QTMAN: variants seen among roughly 807,000 people sequenced by gnomAD.
QTMAN encodes the protein tRNA-queuosine alpha-mannosyltransferase.
At chr2:144,238,456 G>A in the QTMAN span, among the ~76,000 whole-genome samples, 1 of 152,064 alleles carries the variant, frequency 6.6e-6, no homozygotes, top group African/African-American at 2.4e-5. Context: ...TGGCACTTCT[G>A]CAAATTAAGT....
the QTMAN span, among the ~76,000 whole-genome samples, chr2:144,215,075 T>C: frequency 6.6e-6 from 1 of 151,908 alleles, no homozygotes; most frequent in Non-Finnish European, 1.5e-5. Context: ...GCTCCATCTC[T>C]ACAAAAAATT....
the QTMAN span, among the ~76,000 whole-genome samples, chr2:143,996,889 GTCAA>G: frequency 6.6e-6 from 1 of 152,076 alleles, no homozygotes; most frequent in East Asian, 1.9e-4. Flanking sequence ...AGTCTCTGGG[GTCAA>G]TCAATTAATT....
At chr2:144,099,245 G>A in the QTMAN span, among the ~76,000 whole-genome samples, 3 of 152,162 alleles carry the variant, frequency 2.0e-5, no homozygotes, top group African/African-American at 7.2e-5. Context: ...TAAAATAAAT[G>A]ACTCAGTAGT....
the QTMAN span, among the ~76,000 whole-genome samples, chr2:144,091,096 C>T: frequency 4.6e-5 from 7 of 151,700 alleles, no homozygotes; most frequent in Admixed American, 1.3e-4. Flanking sequence ...TAAGTAGAGG[C>T]GACTAGCCTG....
chr2:144,075,786 C>G, the QTMAN span, among the ~76,000 whole-genome samples: 3 of 152,176 alleles, frequency 2.0e-5, no homozygotes. Context: ...TCGGCAAGAG[C>G]TCATCTTTTC....
At chr2:144,115,130 C>T in the QTMAN span, among the ~76,000 whole-genome samples, 1 of 152,030 alleles carries the variant, frequency 6.6e-6, no homozygotes, top group African/African-American at 2.4e-5. Flanking sequence ...ACTCTGGAGG[C>T]TGAGGCACAA....
At chr2:144,140,879 T>G in the QTMAN span, among the ~76,000 whole-genome samples, 27 of 152,024 alleles carry the variant, frequency 1.8e-4, no homozygotes, top group Admixed American at 4.6e-4. Flanking sequence ...TTCACTAACT[T>G]GATTTTGTAT....
chr2:144,311,388 A>G, the QTMAN span, among the ~76,000 whole-genome samples: 2 of 152,330 alleles, frequency 1.3e-5, no homozygotes, highest in South Asian at 2.1e-4. Context: ...GCTTATAACC[A>G]TCCAGGTACT....
At chr2:144,263,433 G>A in the QTMAN span, among the ~76,000 whole-genome samples, 1 of 152,102 alleles carries the variant, frequency 6.6e-6, no homozygotes, top group Non-Finnish European at 1.5e-5. Context: ...TCCTGGTCAT[G>A]GCTCTACCAA....
the QTMAN span, among the ~76,000 whole-genome samples, chr2:144,025,124 A>C: frequency 6.6e-6 from 1 of 152,190 alleles, no homozygotes; most frequent in African/African-American, 2.4e-5. Flanking sequence ...GGACTTGCTA[A>C]AGACAGAAAT....
the QTMAN span, among the ~76,000 whole-genome samples, chr2:144,093,793 T>G: frequency 6.6e-6 from 1 of 152,188 alleles, no homozygotes; most frequent in African/African-American, 2.4e-5. Context: ...GATATGTTGG[T>G]GTGTGTGTTA....
chr2:144,138,807 G>A, the QTMAN span, among the ~76,000 whole-genome samples: 1 of 152,162 alleles, frequency 6.6e-6, no homozygotes, highest in East Asian at 1.9e-4. Flanking sequence ...AAAAGGAGAA[G>A]GCATAATTAT....
chr2:144,311,268 G>A, the QTMAN span, among the ~76,000 whole-genome samples: 4 of 152,160 alleles, frequency 2.6e-5, no homozygotes, highest in Non-Finnish European at 5.9e-5. Context: ...TAATTGCTCT[G>A]CCAAGTGCTT....
chr2:144,332,235 GC>G, the QTMAN span, among the ~76,000 whole-genome samples: 1 of 151,604 alleles, frequency 6.6e-6, no homozygotes, highest in African/African-American at 2.4e-5. Flanking sequence ...CGCAGCGCGT[GC>G]GCCCGGGAAG....
At chr2:143,963,029 TC>T in the QTMAN span, among the ~76,000 whole-genome samples, 2,120 of 152,246 alleles carry the variant, frequency 0.014, 20 homozygotes, top group Middle Eastern at 0.024. Context: ...TAGAGAGTTT[TC>T]CCCCCTAAAA....
the QTMAN span, among the ~76,000 whole-genome samples, chr2:144,331,282 G>A: frequency 6.6e-6 from 1 of 152,096 alleles, no homozygotes; most frequent in Admixed American, 6.6e-5. Context: ...CTCCTGTCAT[G>A]GTTAAAGCTT....
the QTMAN span, among the ~76,000 whole-genome samples, chr2:144,087,017 G>A: frequency 3.3e-5 from 5 of 151,986 alleles, no homozygotes; most frequent in African/African-American, 2.4e-5. Flanking sequence ...AAATCATTAA[G>A]TGACAACAGT....
At chr2:144,279,897 A>C in the QTMAN span, among the ~76,000 whole-genome samples, 2 of 152,188 alleles carry the variant, frequency 1.3e-5, no homozygotes, top group Non-Finnish European at 2.9e-5. Flanking sequence ...AGACATTTAC[A>C]ACTATCAGTG....
At chr2:144,177,277 G>C in the QTMAN span, 1 of 645,642 alleles carries the variant, frequency 1.5e-6, no homozygotes, top group South Asian at 1.8e-5. Context: ...CATTGTTTTT[G>C]TTTATTTTAA....
Sources: gnomAD v4.1 joint callset for allele counts (sites outside exome capture counted in the v4.1 genomes callset) on GRCh38, gnomAD v4.1.1 for gene constraint, MANE v1.5 for transcripts, NCBI Gene and HGNC (gene_info 2026-07-23, HGNC 2026-07-21) for gene names.